PCSK9: variants seen among roughly 807,000 people sequenced by gnomAD.
The protein encoded by PCSK9 is convertase subtilisin/kexin type 9 preproprotein.
PCSK9 carries 57 observed loss-of-function variants against 62.1 expected under a neutral mutation model. The observed-to-expected ratio is 0.92, with a 90% confidence interval of 0.74 to 1.14. The LOEUF (loss-of-function observed/expected upper bound fraction) is 1.14. Among genes scored for constraint, PCSK9 ranks in the 50% most tolerant of loss-of-function variants. The pLI, the probability that PCSK9 is intolerant of heterozygous loss-of-function variation, is 0.00. For missense variants in PCSK9, 870 were observed against 959.8 expected, an observed-to-expected ratio of 0.91 and a Z score of 1.24; for synonymous variants, 387 against 409.4, an observed-to-expected ratio of 0.95 and a Z score of 0.66.
In PCSK9 at chr1:55,040,100, C is replaced by A; in HGVS notation, c.207+56C>A. ...AACCCGCAGCCGGGACGGTGCGGTG[C>A]TGTTTCCTCTCGGGCCTCAGTTTCC... On this transcript the variant is annotated intron_variant, in intron 1 of 11. Transcript: ENST00000302118. The surrounding 1 kb of genome is among the most constrained non-coding windows in gnomAD (Gnocchi z 4.1). 3 of 1,530,642 alleles carry A rather than the reference C, an allele frequency of 2.0e-6. No individual in the cohort carries two copies. The highest frequency in any genetic ancestry group is 2.6e-6 in the Non-Finnish European group (3 of 1,132,390). The allele number at this position is 1,530,642 out of a possible 1,614,324, so 94.8% of individuals were successfully genotyped here. A position where few individuals can be genotyped will look rare whatever the true frequency, so the allele number is the denominator to read the frequency against.
At position 55,063,570 on chromosome 1, in the gene PCSK9, C is replaced by G. The variant is rs769487037; in HGVS notation, c.2065C>G (p.Gln689Glu). ...GAGCCGGCACCTGGCGCAGGCCTCC[C>G]AGGAGCTCCAGTGACAGCCCCATCC... The part of the protein sequence containing the change: ...CRSRHLAQAS[Q>E]ELQ Residue 689 changes from glutamine (Q) to glutamate (E), a missense_variant, in exon 12 of 12, where the codon CAG (glutamine) becomes GAG (glutamate). Transcript: ENST00000302118. 6.2e-7 allele frequency: 1 copy of G among 1,611,930 alleles called. No homozygotes were observed. Among genetic ancestry groups the G allele is most frequent in the Non-Finnish European group, 8.5e-7 (1 of 1,179,748 alleles).
intron 5 of PCSK9, among the ~76,000 whole-genome samples, chr1:55,053,696 T>G (rs1230935991): frequency 2.0e-5 from 3 of 152,234 alleles, no homozygotes; most frequent in Non-Finnish European, 4.4e-5. Flanking sequence ...GAGACTTTCC[T>G]ACAGAGTACA....
chr1:55,040,246 G>A lies in PCSK9; in HGVS notation c.207+202G>A, dbSNP rs901573253. 2.0e-5 allele frequency among the ~76,000 whole-genome samples: 3 copies of A among 152,294 alleles called. No homozygotes were observed. In the South Asian group the frequency reaches 6.2e-4, roughly 32 times the overall value. On this transcript the variant is annotated intron_variant, in intron 1 of 11. Transcript: ENST00000302118. The surrounding 1 kb of genome is among the most constrained non-coding windows in gnomAD (Gnocchi z 4.1). The stretch of plus-strand genomic sequence containing the variant: ...TAGTGGGGAGCACGGTGGAGAGCGG[G>A]GACGGCCGGCTCTTTGGGGACTTGC...
At chr1:55,052,568 G>A (rs1415256809) in intron 4 of PCSK9, 82 bp from the exon 5 acceptor site, 60 of 1,604,536 alleles carry the variant, frequency 3.7e-5, no homozygotes, top group Middle Eastern at 3.3e-4. Context: ...TGGGAAGGGC[G>A]TTCATCCATC....
Position 55,039,883 on chromosome 1 carries a change from C to T in PCSK9, c.46C>T (p.Leu16=). The T allele has an allele frequency of 6.4e-7, 1 of 1,557,008 alleles. No individual in the cohort carries two copies. Among genetic ancestry groups the T allele is most frequent in the African/African-American group, 1.4e-5 (1 of 73,856 alleles). The change falls in exon 1 of 12, where the codon CTG becomes TTG. Residue 16 remains leucine (L), a synonymous_variant. Coordinates refer to ENST00000302118, the MANE Select transcript of PCSK9 (RefSeq NM_174936.4). ...SRRSWWPLPL[L]LLLLLLLGPA... The stretch of plus-strand genomic sequence containing the variant: ...GCGGTCCTGGTGGCCGCTGCCACTG[C>T]TGCTGCTGCTGCTGCTGCTCCTGGG...
At chr1:55,051,972 T>G in intron 3 of PCSK9, 1 of 438,582 alleles carries the variant, frequency 2.3e-6, no homozygotes, top group South Asian at 2.2e-5. Flanking sequence ...TTTTGAACAT[T>G]CATATTATTG....
At position 55,044,298 on chromosome 1, in the gene PCSK9, G is replaced by A. The variant is rs1644618833; in HGVS notation, c.399+264G>A. ...CAGAGGGGACCACACAGACAGCTAGGGGTAGAGCCTGGATCAAACCCATTG... is the reference window on the plus strand; with the variant it reads ...CAGAGGGGACCACACAGACAGCTAGAGGTAGAGCCTGGATCAAACCCATTG... On this transcript the variant is annotated intron_variant, in intron 2 of 11. Transcript: ENST00000302118. Among the ~76,000 whole-genome samples, 3 of 152,188 alleles carry A rather than the reference G, an allele frequency of 2.0e-5. No homozygotes were observed. In the South Asian group the frequency reaches 6.2e-4, roughly 32 times the overall value.
intron 10 of PCSK9, among the ~76,000 whole-genome samples, chr1:55,059,910 G>A (rs1315315993): frequency 6.6e-6 from 1 of 152,240 alleles, no homozygotes; most frequent in Non-Finnish European, 1.5e-5. Flanking sequence ...GCAAGGAGAT[G>A]GGCAGCATCT....
Position 55,040,794 on chromosome 1 carries a change from C to G in PCSK9, c.207+750C>G, listed in dbSNP as rs530722625. The stretch of plus-strand genomic sequence containing the variant: ...CTGGTACTGGGACCCCGGAGCTGAG[C>G]CCGGCGCCTCAGCCCACCTGGCTGT... On this transcript the variant is annotated intron_variant, in intron 1 of 11. Coordinates refer to ENST00000302118, the MANE Select transcript of PCSK9 (RefSeq NM_174936.4). This position sits in a 1 kb window ranked among gnomAD's most constrained non-coding sequence, Gnocchi z 4.1. Among the ~76,000 whole-genome samples the G allele has an allele frequency of 1.9e-4, 29 of 152,334 alleles. 1 individual carries two copies. The South Asian group carries it at 5.6e-3, about 29-fold the overall frequency.
chr1:55,051,323 C>T, intron 3 of PCSK9: 1 of 388,132 alleles, frequency 2.6e-6, no homozygotes, highest in South Asian at 1.9e-5. Context: ...CACCTGAGGC[C>T]CTGCTTTTCC....
At position 55,039,786 on chromosome 1, in the gene PCSK9, C is replaced by A; in HGVS notation, c.-52C>A. ...CTCAAGGCGCCGCCGGCGTGGACCG[C>A]GCACGGCCTCTAGGTCTCCTCGCCA... On this transcript the variant is annotated 5_prime_UTR_variant, in exon 1 of 12. Coordinates refer to ENST00000302118, the MANE Select transcript of PCSK9 (RefSeq NM_174936.4). 6.4e-7 allele frequency: 1 copy of A among 1,560,768 alleles called. No individual in the cohort carries two copies. Among genetic ancestry groups the A allele is most frequent in the Non-Finnish European group, 8.7e-7 (1 of 1,151,406 alleles).
chr1:55,057,544 C>T (rs374533424), intron 7 of PCSK9, 30 bp downstream of exon 7: 74 of 1,586,630 alleles, frequency 4.7e-5, no homozygotes, highest in African/African-American at 1.9e-4. Flanking sequence ...CCTCGGCCAC[C>T]GTGATGCTAA....
intron 3 of PCSK9, chr1:55,051,248 A>G (rs1294404039): frequency 2.2e-6 from 1 of 455,878 alleles, no homozygotes; most frequent in Admixed American, 2.4e-5. Context: ...GGCACTTCAG[A>G]AGACTCAGGA....
chr1:55,061,617 C>A, intron 11 of PCSK9, 61 bp downstream of exon 11: 1 of 1,543,940 alleles, frequency 6.5e-7, no homozygotes, highest in African/African-American at 1.4e-5. Context: ...CACAGCTTTT[C>A]TGTGTCAGTT....
At chr1:55,050,075 G>T (rs1479053037) in intron 3 of PCSK9, among the ~76,000 whole-genome samples, 1 of 152,256 alleles carries the variant, frequency 6.6e-6, no homozygotes, top group Non-Finnish European at 1.5e-5. Context: ...TCCAGGGAGG[G>T]AAGCAGCCTC....
Position 55,059,548 on chromosome 1 carries a change from C to T in PCSK9, c.1566C>T (p.Ala522=). The change falls in exon 10 of 12, where the codon GCC becomes GCT. Residue 522 remains alanine, a synonymous_variant. Coordinates refer to ENST00000302118, the MANE Select transcript of PCSK9 (RefSeq NM_174936.4). ...HNAFGGEGVY[A]IARCCLLPQA... Reference sequence around the variant, plus strand: ...CTTTTGGGGGTGAGGGTGTCTACGCCATTGCCAGGTGCTGCCTGCTACCCC... The same window carrying T: ...CTTTTGGGGGTGAGGGTGTCTACGCTATTGCCAGGTGCTGCCTGCTACCCC... The T allele has an allele frequency of 6.4e-7, 1 of 1,560,142 alleles. No individual in the cohort carries two copies. Among genetic ancestry groups the T allele is most frequent in the East Asian group, 2.4e-5 (1 of 42,354 alleles).
chr1:55,052,261 A>AC lies in PCSK9; in HGVS notation c.524-17_524-16insC, dbSNP rs766431468. 7 of 1,613,912 alleles carry AC rather than the reference A, an allele frequency of 4.3e-6. No homozygotes were observed. The highest frequency in any genetic ancestry group is 5.9e-6 in the Non-Finnish European group (7 of 1,179,992). ...TATGCTCATTCCCTCCTCTCCCACA[A>AC]ATGTCGCCTTGGAAAGACGGAGGCA... On this transcript the variant is annotated splice_polypyrimidine_tract_variant and intron_variant, in intron 3 of 11. Coordinates refer to ENST00000302118, the MANE Select transcript of PCSK9 (RefSeq NM_174936.4).
intron 10 of PCSK9, 127 bp from the exon 11 acceptor site, chr1:55,061,248 C>T: frequency 5.5e-6 from 6 of 1,096,168 alleles, no homozygotes; most frequent in Admixed American, 5.6e-5. Context: ...CTCTTTTTTT[C>T]TTTGAGTTGT....
At chr1:55,051,910 G>T (rs552075017) in intron 3 of PCSK9, 2 of 333,916 alleles carry the variant, frequency 6.0e-6, no homozygotes, top group East Asian at 1.5e-4. Flanking sequence ...TGCAGACTCG[G>T]TGAGCTGTGA....
Sources: gnomAD v4.1 joint callset for allele counts (sites outside exome capture counted in the v4.1 genomes callset) on GRCh38, gnomAD v4.1.1 for gene constraint, Gnocchi (gnomAD v3.1) non-coding constraint, MANE v1.5 for transcripts, NCBI Gene and HGNC (gene_info 2026-07-23, HGNC 2026-07-21) for gene names.